NPAS3: variants seen among roughly 807,000 people sequenced by gnomAD.
The protein encoded by NPAS3 is neuronal PAS domain protein 3.
A neutral mutation model predicts 73.1 loss-of-function variants in NPAS3; 14 were observed. The observed-to-expected ratio is 0.19, with a 90% CI of 0.13 to 0.30. The LOEUF (loss-of-function observed/expected upper bound fraction) is 0.30. NPAS3 is among the 10% of genes least tolerant of loss of function. NPAS3 has a pLI of 1.00. For missense variants in NPAS3, 1,096 were observed against 1,250.0 expected (o/e 0.88, Z 1.86); for synonymous variants, 620 against 541.5 (o/e 1.14, Z -2.01).
chr14:33,256,606 A>G lies in NPAS3; in HGVS notation c.385+41180A>G, dbSNP rs532178037. 9.8e-5 allele frequency among the ~76,000 whole-genome samples: 15 copies of G among 152,330 alleles called. No homozygotes were observed. The East Asian group carries it at 2.9e-3, about 29-fold the overall frequency. On this transcript the variant is annotated intron_variant, in intron 3 of 11. Transcript: ENST00000356141. The stretch of plus-strand genomic sequence containing the variant: ...TTGTTTTTGCTTTACACTGGCCGTT[A>G]TAATGTTTCATTACAAAAACATAAA...
intron 3 of NPAS3, among the ~76,000 whole-genome samples, chr14:33,276,256 A>T (rs1481307181): frequency 6.6e-6 from 1 of 152,144 alleles, no homozygotes; most frequent in Non-Finnish European, 1.5e-5. Context: ...CAAGGAGAAC[A>T]CGGGAGTAGT....
intron 3 of NPAS3, among the ~76,000 whole-genome samples, chr14:33,233,245 C>A (rs898653197): frequency 1.3e-5 from 2 of 152,154 alleles, no homozygotes; most frequent in Non-Finnish European, 2.9e-5. Flanking sequence ...AAACAATGAA[C>A]CCCGAATGCT....
intron 1 of NPAS3, among the ~76,000 whole-genome samples, chr14:32,986,811 A>G (rs2038117724): frequency 6.6e-6 from 1 of 152,072 alleles, no homozygotes; most frequent in African/African-American, 2.4e-5. Flanking sequence ...GATGGATATG[A>G]TTTTACTTTA....
Position 33,035,586 on chromosome 14 carries a change from T to C in NPAS3, c.51-20319T>C, listed in dbSNP as rs186413767. On this transcript the variant is annotated intron_variant, in intron 1 of 11. Coordinates refer to ENST00000356141, the Ensembl canonical transcript of NPAS3. Reference sequence around the variant, plus strand: ...ACTAGTTTTAATCTTGTTTTGCAATTCAGGGCTTTGAAAACTATAACAGAC... The same window carrying C: ...ACTAGTTTTAATCTTGTTTTGCAATCCAGGGCTTTGAAAACTATAACAGAC... 3.2e-4 allele frequency among the ~76,000 whole-genome samples: 48 copies of C among 152,340 alleles called. 2 individuals are homozygous for C. The highest frequency in any genetic ancestry group is 3.1e-3 in the Admixed American group (47 of 15,302).
intron 3 of NPAS3, among the ~76,000 whole-genome samples, chr14:33,283,169 C>T (rs1367631951): frequency 1.3e-5 from 2 of 152,182 alleles, no homozygotes; most frequent in Admixed American, 6.5e-5. Flanking sequence ...ATCATTCACA[C>T]TTTACATGTG....
At chr14:33,264,616 G>C (rs1193357443) in intron 3 of NPAS3, among the ~76,000 whole-genome samples, 2 of 152,120 alleles carry the variant, frequency 1.3e-5, no homozygotes, top group Admixed American at 1.3e-4. Context: ...TGTCTGAATG[G>C]TACTAGGGAT....
intron 4 of NPAS3, among the ~76,000 whole-genome samples, chr14:33,532,060 C>T (rs1427312079): frequency 6.6e-6 from 1 of 152,132 alleles, no homozygotes; most frequent in East Asian, 1.9e-4. Flanking sequence ...TAGGAAATCT[C>T]AACTATGTAT....
chr14:32,983,925 T>C (rs770689405), intron 1 of NPAS3, among the ~76,000 whole-genome samples: 43 of 152,182 alleles, frequency 2.8e-4, no homozygotes, highest in Non-Finnish European at 5.0e-4. Flanking sequence ...TTTTGCCATG[T>C]TGGCCAGGCT....
chr14:33,360,447 AC>A (rs1469842205), intron 3 of NPAS3, among the ~76,000 whole-genome samples: 1 of 152,112 alleles, frequency 6.6e-6, no homozygotes, highest in African/African-American at 2.4e-5. Flanking sequence ...CTAATTTTTT[AC>A]CTTTTATTTA....
At chr14:33,209,830 A>G (rs1339749274) in intron 2 of NPAS3, among the ~76,000 whole-genome samples, 1 of 152,184 alleles carries the variant, frequency 6.6e-6, no homozygotes, top group Non-Finnish European at 1.5e-5. Flanking sequence ...TATGAAGACT[A>G]GATATTATAT....
intron 3 of NPAS3, among the ~76,000 whole-genome samples, chr14:33,310,335 G>A (rs1168026218): frequency 6.6e-6 from 1 of 151,930 alleles, no homozygotes; most frequent in Non-Finnish European, 1.5e-5. Context: ...AAGGAGAACT[G>A]TTTATCCTTG....
At position 33,143,580 on chromosome 14, in the gene NPAS3, C is replaced by T. The variant is rs77603047; in HGVS notation, c.141-71602C>T. Among the ~76,000 whole-genome samples the T allele has an allele frequency of 6.7e-3, 1,027 of 152,168 alleles. 7 individuals carry two copies. Among genetic ancestry groups the T allele is most frequent in the Non-Finnish European group, 0.01 (701 of 68,002 alleles). On this transcript the variant is annotated intron_variant, in intron 2 of 11. Transcript: ENST00000356141. ...TGCAATTGAAGTGAACTGTATAAAA[C>T]GTAAAATTAACCATTTTACAGTGAA...
chr14:33,568,471 T>C (rs1447453561), intron 5 of NPAS3, among the ~76,000 whole-genome samples: 1 of 152,186 alleles, frequency 6.6e-6, no homozygotes. Context: ...GCGGTGCTTA[T>C]ATGGGCAATA....
intron 5 of NPAS3, among the ~76,000 whole-genome samples, chr14:33,576,086 G>T (rs368482913): frequency 6.6e-6 from 1 of 151,918 alleles, no homozygotes; most frequent in South Asian, 2.1e-4. Context: ...CATGATCTAC[G>T]CCTGCTTGCA....
chr14:33,336,499 A>G (rs2044232991), intron 3 of NPAS3, among the ~76,000 whole-genome samples: 1 of 152,168 alleles, frequency 6.6e-6, no homozygotes, highest in South Asian at 2.1e-4. Context: ...GAAGTTCACC[A>G]CCTGGTTGGT....
intron 4 of NPAS3, among the ~76,000 whole-genome samples, chr14:33,508,038 G>A (rs946399491): frequency 3.9e-5 from 6 of 151,952 alleles, no homozygotes; most frequent in Non-Finnish European, 1.5e-5. Flanking sequence ...CACTCAACTT[G>A]CCATGGAAAA....
At chr14:33,597,834 T>C (rs1031853880) in intron 5 of NPAS3, among the ~76,000 whole-genome samples, 1 of 152,230 alleles carries the variant, frequency 6.6e-6, no homozygotes, top group Admixed American at 6.5e-5. Context: ...GAATTTTTCA[T>C]GTGGACCTGT....
intron 5 of NPAS3, among the ~76,000 whole-genome samples, chr14:33,615,083 G>A (rs2057871651): frequency 6.6e-6 from 1 of 152,130 alleles, no homozygotes; most frequent in Non-Finnish European, 1.5e-5. Flanking sequence ...AGGAGCATGA[G>A]GTGGCATCGG....
At chr14:33,802,376 T>TAAAAAAAAAAAAAAGAAAAAAAAAA (rs2063733396), downstream of NPAS3, 2 of 95,730 alleles carry the variant, frequency 2.1e-5, no homozygotes, top group Non-Finnish European at 4.0e-5. Flanking sequence ...GCACATTAAG[T>TAAAAAAAAAAAAAAGAAAAAAAAAA]AAAAAAAAAA....
Sources: allele counts gnomAD v4.1 joint callset (sites outside exome capture counted in the v4.1 genomes callset), GRCh38; gene constraint gnomAD v4.1.1; transcripts MANE v1.5; gene names NCBI Gene and HGNC (gene_info 2026-07-23, HGNC 2026-07-21).